Variants in OR5AS1 observed in about 807,000 individuals in gnomAD.
OR5AS1 encodes the protein olfactory receptor family 5 subfamily AS member 1, also known as olfactory receptor 5AS1.
For missense variants in OR5AS1, 492 were observed against 378.2 expected (o/e 1.30, Z -2.50); for synonymous variants, 196 against 141.7 (o/e 1.38, Z -2.72).
At position 56,036,686 on chromosome 11, in the gene OR5AS1, G is replaced by A. The variant is rs1047882658; in HGVS notation, c.*5293G>A. On this transcript the variant is annotated 3_prime_UTR_variant, in exon 2 of 2. Transcript: ENST00000641320. ...GTCCAGGACCAGCCAAATTCTACCA[G>A]ACATACAAAGAGGAGCTGGTACTAT... is the stretch of plus-strand genomic sequence containing the variant. 2 of 151,900 alleles carry A rather than the reference G, an allele frequency of 1.3e-5. No individual in the cohort carries two copies. Among genetic ancestry groups the A allele is most frequent in the Non-Finnish European group, 2.9e-5 (2 of 67,968 alleles). The allele number at this position is 151,900 out of a possible 1,614,324, so 9.4% of individuals were successfully genotyped here. A position where few individuals can be genotyped will look rare whatever the true frequency, so the allele number is the denominator to read the frequency against.
chr11:56,031,276 TC>T lies in OR5AS1; in HGVS notation c.860del (p.Pro287GlnfsTer2). On this transcript the variant is annotated frameshift_variant, in exon 2 of 2. Coordinates refer to ENST00000641320, the MANE Select transcript of OR5AS1 (RefSeq NM_001001921.2). LOFTEE classifies it low-confidence loss of function (END_TRUNC). ...FYTVVFPMFN[P>X]IIYSFRNKDV... ...ATACTGTTGTATTTCCCATGTTTAATCCAATAATTTATAGTTTCAGAAACAA... is the reference window on the plus strand; with the variant it reads ...ATACTGTTGTATTTCCCATGTTTAATCAATAATTTATAGTTTCAGAAACAA... 6.2e-7 allele frequency: 1 copy of T among 1,612,980 alleles called. No homozygotes were observed. Among genetic ancestry groups the T allele is most frequent in the Non-Finnish European group, 8.5e-7 (1 of 1,179,514 alleles).
At position 56,036,203 on chromosome 11, in the gene OR5AS1, TAAC is replaced by T. The variant is rs1853402860; in HGVS notation, c.*4812_*4814del. On this transcript the variant is annotated 3_prime_UTR_variant, in exon 2 of 2. Coordinates refer to ENST00000641320, the MANE Select transcript of OR5AS1 (RefSeq NM_001001921.2). ...CAGGAAAGATCTAAAATCAACACCC[TAAC>T]ATCACAATTAAAAGAACTAGATAAA... is the stretch of plus-strand genomic sequence containing the variant. 1 of 151,948 alleles carries T rather than the reference TAAC, an allele frequency of 6.6e-6. No homozygotes were observed. The highest frequency in any genetic ancestry group is 1.5e-5 in the Non-Finnish European group (1 of 68,006). 9.4% of individuals were successfully genotyped at this position (151,948 alleles called of 1,614,324 possible).
In OR5AS1 at chr11:56,031,108, C is replaced by T; in HGVS notation, c.690C>T (p.Ser230=). The T allele has an allele frequency of 6.2e-7, 1 of 1,613,990 alleles. No homozygotes were observed. The highest frequency in any genetic ancestry group is 1.7e-5 in the Admixed American group (1 of 60,016). Residue 230 remains serine, a synonymous_variant, in exon 2 of 2, where the codon TCC becomes TCT. Coordinates refer to ENST00000641320, the MANE Select transcript of OR5AS1 (RefSeq NM_001001921.2). ...TCATCACTGTGTTGAGCATCAAGTC[C>T]TCAGGTGGCAGAAGCAAAACATTCT... ...CILITVLSIK[S]SGGRSKTFST... is the part of the protein sequence containing the mutation.
rs1590706293 is a variant in OR5AS1 at position 56,031,554 on chromosome 11, T to C, written c.*161T>C. The C allele has an allele frequency of 1.9e-6, 1 of 532,330 alleles. No homozygotes were observed. The highest frequency in any genetic ancestry group is 3.4e-5 in the Admixed American group (1 of 29,540). 33.0% of individuals were successfully genotyped at this position (532,330 alleles called of 1,614,324 possible). On this transcript the variant is annotated 3_prime_UTR_variant, in exon 2 of 2. Coordinates refer to ENST00000641320, the MANE Select transcript of OR5AS1 (RefSeq NM_001001921.2). ...AAAAATGTTCTCTCCACAATTCTACTCTATAAAACATTACCTAATTAAACA... is the reference window on the plus strand; with the variant it reads ...AAAAATGTTCTCTCCACAATTCTACCCTATAAAACATTACCTAATTAAACA...
chr11:56,027,857 TG>T (rs2134688135), intron 1 of OR5AS1, 145 bp downstream of exon 1: 1 of 151,786 alleles, frequency 6.6e-6, no homozygotes, highest in South Asian at 2.1e-4. Context: ...TGTATGTATG[TG>T]GGCTAAGAGT....
In OR5AS1 at chr11:56,031,976, G is replaced by A. The variant is rs1168643730; in HGVS notation, c.*583G>A. 1 of 152,120 alleles carries A rather than the reference G, an allele frequency of 6.6e-6. No individual in the cohort carries two copies. Among genetic ancestry groups the A allele is most frequent in the Non-Finnish European group, 1.5e-5 (1 of 68,118 alleles). The allele number at this position is 152,120 out of a possible 1,614,324, so 9.4% of individuals were successfully genotyped here. ...GGGAAAATACAGCCTTATTTTATTT[G>A]GACAGTGAGTCTATATTTGTACTCA... On this transcript the variant is annotated 3_prime_UTR_variant, in exon 2 of 2. Transcript: ENST00000641320.
Position 56,032,844 on chromosome 11 carries a change from A to T in OR5AS1, c.*1451A>T, listed in dbSNP as rs1853365386. On this transcript the variant is annotated 3_prime_UTR_variant, in exon 2 of 2. Transcript: ENST00000641320. ...TGTTTGGTGGCTGGCAAGATGGTCA[A>T]ATAGGAGATGCTCCAGTCTGCTGCT... 6.6e-6 allele frequency: 1 copy of T among 152,174 alleles called. No homozygotes were observed. The highest frequency in any genetic ancestry group is 1.9e-4 in the East Asian group (1 of 5,192). 9.4% of individuals were successfully genotyped at this position (152,174 alleles called of 1,614,324 possible). A position where few individuals can be genotyped will look rare whatever the true frequency, so the allele number is the denominator to read the frequency against.
chr11:56,032,297 C>A lies in OR5AS1; in HGVS notation c.*904C>A, dbSNP rs1454661061. 6.6e-6 allele frequency: 1 copy of A among 152,178 alleles called. No individual in the cohort carries two copies. The highest frequency in any genetic ancestry group is 2.1e-4 in the South Asian group (1 of 4,824). 9.4% of individuals were successfully genotyped at this position (152,178 alleles called of 1,614,324 possible). ...CATGTTGCTAACATAGTCTTTGAGG[C>A]TCTATCTTCAAGAAGAGGTGAAAAT... On this transcript the variant is annotated 3_prime_UTR_variant, in exon 2 of 2. Transcript: ENST00000641320.
chr11:56,033,740 G>A lies in OR5AS1; in HGVS notation c.*2347G>A, dbSNP rs1236164151. On this transcript the variant is annotated 3_prime_UTR_variant, in exon 2 of 2. Coordinates refer to ENST00000641320, the MANE Select transcript of OR5AS1 (RefSeq NM_001001921.2). ...TGTCCCTGCCTGCTGGCTCTAAGGA[G>A]AGCAGCATACCTCCCAGCACATCGT... 2 of 152,230 alleles carry A rather than the reference G, an allele frequency of 1.3e-5. No homozygotes were observed. The highest frequency in any genetic ancestry group is 2.4e-5 in the African/African-American group (1 of 41,382). The allele number at this position is 152,230 out of a possible 1,614,324, so 9.4% of individuals were successfully genotyped here.
Position 56,031,494 on chromosome 11 carries a change from T to A in OR5AS1, c.*101T>A. On this transcript the variant is annotated 3_prime_UTR_variant, in exon 2 of 2. Transcript: ENST00000641320. Reference sequence around the variant, plus strand: ...TTTCAGAAATAAAGATAACTTGTTATACTCAGTGCATTAAAATGCTTCATC... The same window carrying A: ...TTTCAGAAATAAAGATAACTTGTTAAACTCAGTGCATTAAAATGCTTCATC... 1.1e-6 allele frequency: 1 copy of A among 884,430 alleles called. No individual in the cohort carries two copies. Among genetic ancestry groups the A allele is most frequent in the Non-Finnish European group, 1.7e-6 (1 of 584,116 alleles). 54.8% of individuals were successfully genotyped at this position (884,430 alleles called of 1,614,324 possible). A position where few individuals can be genotyped will look rare whatever the true frequency, so the allele number is the denominator to read the frequency against.
Position 56,030,390 on chromosome 11 carries a change from G to T in OR5AS1, c.-28-1G>T, listed in dbSNP as rs758182388. 1 of 1,411,756 alleles carries T rather than the reference G, an allele frequency of 7.1e-7. No homozygotes were observed. Among genetic ancestry groups the T allele is most frequent in the Admixed American group, 2.5e-5 (1 of 39,256 alleles). The allele number at this position is 1,411,756 out of a possible 1,614,324, so 87.5% of individuals were successfully genotyped here. ...AACTCACATCTGCTGATACTACCTA[G>T]GTCCAGTGGGAAAAACAAGAAAACT... On this transcript the variant is annotated splice_acceptor_variant, in intron 1 of 1. Coordinates refer to ENST00000641320, the MANE Select transcript of OR5AS1 (RefSeq NM_001001921.2). LOFTEE classifies it low-confidence loss of function (5UTR_SPLICE).
In OR5AS1 at chr11:56,036,196, A is replaced by T. The variant is rs61890015; in HGVS notation, c.*4803A>T. 1 of 151,942 alleles carries T rather than the reference A, an allele frequency of 6.6e-6. No individual in the cohort carries two copies. The highest frequency in any genetic ancestry group is 1.5e-5 in the Non-Finnish European group (1 of 67,976). The allele number at this position is 151,942 out of a possible 1,614,324, so 9.4% of individuals were successfully genotyped here. A position where few individuals can be genotyped will look rare whatever the true frequency, so the allele number is the denominator to read the frequency against. ...GAGAAAGCAGGAAAGATCTAAAATC[A>T]ACACCCTAACATCACAATTAAAAGA... is the stretch of plus-strand genomic sequence containing the variant. On this transcript the variant is annotated 3_prime_UTR_variant, in exon 2 of 2. Transcript: ENST00000641320.
rs1253300561 is a variant in OR5AS1 at position 56,037,486 on chromosome 11, A to G, written c.*6093A>G. On this transcript the variant is annotated 3_prime_UTR_variant, in exon 2 of 2. Coordinates refer to ENST00000641320, the MANE Select transcript of OR5AS1 (RefSeq NM_001001921.2). ...CACCAATAACAGACAAACAGAGCCA[A>G]ATCGAATGAACTGCCATTCACAATT... is the stretch of plus-strand genomic sequence containing the variant. The G allele has an allele frequency of 6.6e-6, 1 of 152,066 alleles. No homozygotes were observed. Among genetic ancestry groups the G allele is most frequent in the Middle Eastern group, 3.4e-3 (1 of 294 alleles). The allele number at this position is 152,066 out of a possible 1,614,324, so 9.4% of individuals were successfully genotyped here.
chr11:56,030,877 TACA>T lies in OR5AS1; in HGVS notation c.463_465del (p.Thr155del), dbSNP rs779770784. The T allele has an allele frequency of 3.1e-6, 5 of 1,613,998 alleles. No individual in the cohort carries two copies. The highest frequency in any genetic ancestry group is 1.3e-5 in the African/African-American group (1 of 74,876). ...TTGTGTTGGCATATTTCAGTGGAAGTACAACATCACTGGTCCATGTGTGCCTCA... is the reference window on the plus strand; with the variant it reads ...TTGTGTTGGCATATTTCAGTGGAAGTACATCACTGGTCCATGTGTGCCTCA... On this transcript the variant is annotated inframe_deletion, in exon 2 of 2. Coordinates refer to ENST00000641320, the MANE Select transcript of OR5AS1 (RefSeq NM_001001921.2).
At position 56,036,146 on chromosome 11, in the gene OR5AS1, A is replaced by T. The variant is rs1026484633; in HGVS notation, c.*4753A>T. The T allele has an allele frequency of 2.0e-5, 3 of 152,158 alleles. No individual in the cohort carries two copies. Among genetic ancestry groups the T allele is most frequent in the Admixed American group, 2.0e-4 (3 of 15,278 alleles). The allele number at this position is 152,158 out of a possible 1,614,324, so 9.4% of individuals were successfully genotyped here. ...ATAGCTAAAGCAGTGTTTAGAGGAA[A>T]ATTCACAGTACTAAAGGCCCACAAG... On this transcript the variant is annotated 3_prime_UTR_variant, in exon 2 of 2. Transcript: ENST00000641320.
At chr11:56,030,020 T>A (rs1028394664) in intron 1 of OR5AS1, among the ~76,000 whole-genome samples, 1 of 152,104 alleles carries the variant, frequency 6.6e-6, no homozygotes, top group Non-Finnish European at 1.5e-5. Flanking sequence ...GAATGTGATT[T>A]TAGGGTTGCA....
chr11:56,034,538 A>G lies in OR5AS1; in HGVS notation c.*3145A>G, dbSNP rs1853384782. ...AGATTGAAGATCAACTTAATGAAAT[A>G]AAGCTTGAAGACAAGATTAGAGAAA... is the stretch of plus-strand genomic sequence containing the variant. On this transcript the variant is annotated 3_prime_UTR_variant, in exon 2 of 2. Transcript: ENST00000641320. 1 of 152,122 alleles carries G rather than the reference A, an allele frequency of 6.6e-6. No homozygotes were observed. Among genetic ancestry groups the G allele is most frequent in the Admixed American group, 6.5e-5 (1 of 15,272 alleles). The allele number at this position is 152,122 out of a possible 1,614,324, so 9.4% of individuals were successfully genotyped here. A position where few individuals can be genotyped will look rare whatever the true frequency, so the allele number is the denominator to read the frequency against.
chr11:56,029,708 A>G (rs1853328604), intron 1 of OR5AS1, among the ~76,000 whole-genome samples: 1 of 152,086 alleles, frequency 6.6e-6, no homozygotes, highest in Non-Finnish European at 1.5e-5. Flanking sequence ...AATTTTATTT[A>G]ATCAGCGCTC....
rs1590709658 is a variant in OR5AS1 at position 56,038,056 on chromosome 11, T to A, written c.*6663T>A. The A allele has an allele frequency of 6.6e-6, 1 of 152,148 alleles. No homozygotes were observed. The highest frequency in any genetic ancestry group is 1.5e-5 in the Non-Finnish European group (1 of 68,040). 9.4% of individuals were successfully genotyped at this position (152,148 alleles called of 1,614,324 possible). Reference sequence around the variant, plus strand: ...ATTTAATAAATGGTGTTGGGAAAACTGGCTAGCCATATGCAGAAAGCAGAA... The same window carrying A: ...ATTTAATAAATGGTGTTGGGAAAACAGGCTAGCCATATGCAGAAAGCAGAA... On this transcript the variant is annotated 3_prime_UTR_variant, in exon 2 of 2. Coordinates refer to ENST00000641320, the MANE Select transcript of OR5AS1 (RefSeq NM_001001921.2).
Sources: gnomAD v4.1 joint callset for allele counts (sites outside exome capture counted in the v4.1 genomes callset) on GRCh38, gnomAD v4.1.1 for gene constraint, MANE v1.5 for transcripts, NCBI Gene and HGNC (gene_info 2026-07-23, HGNC 2026-07-21) for gene names.